Variants in ETFA observed in about 807,000 individuals in gnomAD.
ETFA encodes electron transfer flavoprotein subunit alpha, mitochondrial.
A neutral mutation model predicts 46.2 loss-of-function variants in ETFA; 22 were observed. That is an observed-to-expected ratio of 0.48 (90% CI 0.34 to 0.68). The LOEUF (loss-of-function observed/expected upper bound fraction) is 0.68, where lower values mean the gene tolerates loss of function less well. Ranked by LOEUF, ETFA falls within the 30% of genes least tolerant of loss-of-function variation. ETFA has a pLI of 0.01. For synonymous variants in ETFA, 131 were observed against 139.9 expected (o/e 0.94, Z 0.45); for missense variants, 345 against 401.1 (o/e 0.86, Z 1.19).
chr15:76,280,244 G>C (rs2039634362), intron 8 of ETFA, among the ~76,000 whole-genome samples: 1 of 151,942 alleles, frequency 6.6e-6, no homozygotes, highest in Non-Finnish European at 1.5e-5. Flanking sequence ...TCTGTTATTA[G>C]ACATCTCAAA....
At chr15:76,291,479 G>T (rs1027821681) in intron 4 of ETFA, among the ~76,000 whole-genome samples, 1 of 147,534 alleles carries the variant, frequency 6.8e-6, no homozygotes, top group East Asian at 2.0e-4. Context: ...GGCCAGGCGC[G>T]GTGGCTCACG....
intron 9 of ETFA, among the ~76,000 whole-genome samples, chr15:76,270,418 G>C (rs896253012): frequency 6.6e-6 from 1 of 152,118 alleles, no homozygotes; most frequent in African/African-American, 2.4e-5. Flanking sequence ...ATATACAACT[G>C]ATACAGAAAT....
chr15:76,302,581 T>A (rs2039890718), intron 1 of ETFA, among the ~76,000 whole-genome samples: 1 of 152,096 alleles, frequency 6.6e-6, no homozygotes, highest in Admixed American at 6.5e-5. Context: ...CTATTCTGTA[T>A]GATATAATAA....
intron 9 of ETFA, among the ~76,000 whole-genome samples, chr15:76,247,236 T>C (rs1447898007): frequency 6.6e-6 from 1 of 152,222 alleles, no homozygotes; most frequent in African/African-American, 2.4e-5. Context: ...GGAGTGCACA[T>C]TTAAGGTGCT....
At chr15:76,297,426 A>T (rs12907668) in intron 1 of ETFA, among the ~76,000 whole-genome samples, 61,692 of 151,460 alleles carry the variant, frequency 0.41, 15,074 homozygotes, top group Middle Eastern at 0.57. Context: ...TTTAAATCAC[A>T]TTTCACAAGA....
chr15:76,245,596 TG>T (rs1173026292), intron 9 of ETFA, among the ~76,000 whole-genome samples: 1 of 152,244 alleles, frequency 6.6e-6, no homozygotes, highest in Non-Finnish European at 1.5e-5. Flanking sequence ...CTTATTCACC[TG>T]GTAACTTTAA....
At chr15:76,273,835 T>C (rs572458257) in intron 9 of ETFA, among the ~76,000 whole-genome samples, 10 of 152,342 alleles carry the variant, frequency 6.6e-5, no homozygotes, top group African/African-American at 2.2e-4. Flanking sequence ...TCAACTGTGA[T>C]TCAACTTTGA....
intron 9 of ETFA, among the ~76,000 whole-genome samples, chr15:76,263,435 G>A (rs376758475): frequency 7.2e-5 from 11 of 152,330 alleles, no homozygotes; most frequent in East Asian, 1.9e-4. Flanking sequence ...AAAGAAGCTC[G>A]GTGAGGAAGC....
In ETFA at chr15:76,259,321, T is replaced by G. The variant is rs929406245; in HGVS notation, c.816+15091A>C. On this transcript the variant is annotated intron_variant, in intron 9 of 11. Coordinates refer to ENST00000557943, the MANE Select transcript of ETFA (RefSeq NM_000126.4). ...TTCTCCAGTTCCATTCGCAGACAAGTAAAGCTTGGGCGCTGCTTGGGGTCA... is the reference window on the plus strand; with the variant it reads ...TTCTCCAGTTCCATTCGCAGACAAGGAAAGCTTGGGCGCTGCTTGGGGTCA... 18 of 1,595,834 alleles carry G rather than the reference T, an allele frequency of 1.1e-5. No individual in the cohort carries two copies. In the African/African-American group the frequency reaches 2.4e-4, roughly 21 times the overall value.
rs374725433 is a variant in ETFA at position 76,290,459 on chromosome 15, T to C, written c.351+1972A>G. Among the ~76,000 whole-genome samples the C allele has an allele frequency of 2.7e-5, 4 of 149,464 alleles. No homozygotes were observed. The South Asian group carries it at 8.6e-4, about 32-fold the overall frequency. On this transcript the variant is annotated intron_variant, in intron 4 of 11. Transcript: ENST00000557943. ...TTCCAGGCTCAAGCAATTCTCCCAC[T>C]TCAGCCTCCCAAGTAGCTGGGACCA...
intron 9 of ETFA, among the ~76,000 whole-genome samples, chr15:76,269,822 A>G (rs943009095): frequency 1.3e-5 from 2 of 152,240 alleles, no homozygotes; most frequent in African/African-American, 2.4e-5. Flanking sequence ...TAAGCCATGG[A>G]CTGTGAGAAA....
At position 76,311,430 on chromosome 15, in the gene ETFA, G is replaced by T. The variant is rs546128998; in HGVS notation, c.-42C>A. The T allele has an allele frequency of 1.3e-6, 2 of 1,546,542 alleles. No individual in the cohort carries two copies. The highest frequency in any genetic ancestry group is 1.4e-5 in the African/African-American group (1 of 73,140). ...GCAACCTCGGCCTTACAGCAGCCCCGTGCCCGGCCAACTGGCGCCGCCTCA... is the reference window on the plus strand; with the variant it reads ...GCAACCTCGGCCTTACAGCAGCCCCTTGCCCGGCCAACTGGCGCCGCCTCA... On this transcript the variant is annotated 5_prime_UTR_variant, in exon 1 of 12. Coordinates refer to ENST00000557943, the MANE Select transcript of ETFA (RefSeq NM_000126.4).
chr15:76,264,747 T>C (rs2039452933), intron 9 of ETFA, among the ~76,000 whole-genome samples: 1 of 152,244 alleles, frequency 6.6e-6, no homozygotes, highest in Non-Finnish European at 1.5e-5. Context: ...GGCTACTCTT[T>C]TAGCTAAGGC....
At chr15:76,283,181 A>G (rs1366262353) in intron 8 of ETFA, among the ~76,000 whole-genome samples, 1 of 152,130 alleles carries the variant, frequency 6.6e-6, no homozygotes, top group African/African-American at 2.4e-5. Flanking sequence ...TGAAACTAAC[A>G]TTTCATTATT....
chr15:76,292,744 TA>T, intron 2 of ETFA, 44 bp from the exon 3 acceptor site: 1 of 1,309,094 alleles, frequency 7.6e-7, no homozygotes, highest in Non-Finnish European at 1.1e-6. Flanking sequence ...CTATCAGAAA[TA>T]TACAAATAAA....
intron 9 of ETFA, among the ~76,000 whole-genome samples, chr15:76,267,321 C>T (rs1471650863): frequency 2.0e-5 from 3 of 152,162 alleles, no homozygotes; most frequent in Non-Finnish European, 4.4e-5. Flanking sequence ...CGAGGCTGCG[C>T]ACAACAAAGC....
chr15:76,260,047 G>A, intron 9 of ETFA: 1 of 1,483,070 alleles, frequency 6.7e-7, no homozygotes, highest in Non-Finnish European at 9.4e-7. Context: ...AATGAGATCA[G>A]CTTTCAGCAT....
At chr15:76,308,073 A>G (rs1396899962) in intron 1 of ETFA, among the ~76,000 whole-genome samples, 1 of 152,260 alleles carries the variant, frequency 6.6e-6, no homozygotes, top group African/African-American at 2.4e-5. Context: ...CAACTTCAGC[A>G]TAAGGTAGAA....
At chr15:76,248,034 A>G (rs1010066754) in intron 9 of ETFA, among the ~76,000 whole-genome samples, 2 of 152,238 alleles carry the variant, frequency 1.3e-5, no homozygotes, top group Admixed American at 1.3e-4. Context: ...ATTTCCGATC[A>G]ATATTTCAAC....
Sources: gnomAD v4.1 joint callset for allele counts (sites outside exome capture counted in the v4.1 genomes callset) on GRCh38, gnomAD v4.1.1 for gene constraint, MANE v1.5 for transcripts, NCBI Gene and HGNC (gene_info 2026-07-23, HGNC 2026-07-21) for gene names.